Variants in NRXN1 observed in about 807,000 individuals in gnomAD.
NRXN1 encodes the protein neurexin 1, also known as neurexin-1.
A neutral mutation model predicts 150.9 loss-of-function variants in NRXN1; 39 were observed. The observed-to-expected ratio is 0.26, with a 90% CI of 0.20 to 0.34. The LOEUF (loss-of-function observed/expected upper bound fraction) is 0.34, where lower values mean the gene tolerates loss of function less well. Among genes scored for constraint, NRXN1 ranks in the 10% least tolerant of loss-of-function variants. The pLI, the probability that NRXN1 is intolerant of heterozygous loss-of-function variation, is 1.00. For missense variants in NRXN1, 1,815 were observed against 1,949.9 expected, an observed-to-expected ratio of 0.93 and a Z score of 1.30; for synonymous variants, 924 against 757.0, an observed-to-expected ratio of 1.22 and a Z score of -3.62.
intron 5 of NRXN1, among the ~76,000 whole-genome samples, chr2:50,746,748 G>A (rs1329136100): frequency 1.3e-5 from 2 of 152,046 alleles, no homozygotes; most frequent in African/African-American, 2.4e-5. Context: ...AGGCTCTTAA[G>A]GCTCATAGTT....
chr2:50,875,252 A>G (rs1021374109), intron 5 of NRXN1, among the ~76,000 whole-genome samples: 4 of 151,796 alleles, frequency 2.6e-5, no homozygotes, highest in African/African-American at 9.7e-5. Flanking sequence ...GATGTTGACC[A>G]TATAACTTCT....
intron 5 of NRXN1, among the ~76,000 whole-genome samples, chr2:50,817,539 G>C (rs1669109705): frequency 6.6e-6 from 1 of 151,994 alleles, no homozygotes; most frequent in Non-Finnish European, 1.5e-5. Flanking sequence ...ACCAAAGCTA[G>C]ACAAGGACTA....
intron 5 of NRXN1, among the ~76,000 whole-genome samples, chr2:50,680,953 A>G (rs1690289745): frequency 6.6e-6 from 1 of 152,166 alleles, no homozygotes; most frequent in South Asian, 2.1e-4. Context: ...TAATTTTCTA[A>G]CACTACAATA....
intron 5 of NRXN1, among the ~76,000 whole-genome samples, chr2:50,790,135 C>CCACACACACA (rs61580117): frequency 2.7e-5 from 4 of 146,854 alleles, no homozygotes; most frequent in African/African-American, 1.0e-4. Context: ...TTCCCTCCCA[C>CCACACACACA]CACACACACA....
At chr2:50,026,970 C>G (rs1250339140) in intron 21 of NRXN1, among the ~76,000 whole-genome samples, 1 of 143,780 alleles carries the variant, frequency 7.0e-6, no homozygotes, top group East Asian at 2.1e-4. Context: ...AAACCTCCGG[C>G]TCCCAGGTTC....
chr2:51,019,344 A>G (rs1011501605), intron 2 of NRXN1, among the ~76,000 whole-genome samples: 1 of 152,138 alleles, frequency 6.6e-6, no homozygotes, highest in Non-Finnish European at 1.5e-5. Context: ...AAGATAAGGT[A>G]GACAAAGTAC....
At chr2:50,098,826 T>G (rs1476175581) in intron 18 of NRXN1, among the ~76,000 whole-genome samples, 2 of 95,882 alleles carry the variant, frequency 2.1e-5, no homozygotes, top group African/African-American at 4.0e-5. Context: ...TGTTTTTGGT[T>G]TTAGTTTTTT....
At chr2:50,522,227 C>T (rs529923330) in intron 12 of NRXN1, among the ~76,000 whole-genome samples, 1 of 152,288 alleles carries the variant, frequency 6.6e-6, no homozygotes, top group Admixed American at 6.5e-5. Context: ...ATAAAAGAAA[C>T]TCCCTTTTCA....
At chr2:50,459,417 T>C (rs1299928965) in intron 17 of NRXN1, among the ~76,000 whole-genome samples, 1 of 152,116 alleles carries the variant, frequency 6.6e-6, no homozygotes, top group Non-Finnish European at 1.5e-5. Flanking sequence ...ACCCAGGTAT[T>C]AAGCCTAGTA....
chr2:50,690,478 T>C (rs1421764262), intron 5 of NRXN1, among the ~76,000 whole-genome samples: 1 of 152,156 alleles, frequency 6.6e-6, no homozygotes, highest in Non-Finnish European at 1.5e-5. Flanking sequence ...CATGAAGCCA[T>C]CACAGCCTTG....
intron 5 of NRXN1, among the ~76,000 whole-genome samples, chr2:50,743,001 A>T (rs1012538159): frequency 1.3e-5 from 2 of 152,352 alleles, no homozygotes; most frequent in African/African-American, 2.4e-5. Flanking sequence ...GCTGTAGCAC[A>T]TGTGAAAATT....
chr2:50,335,475 G>C (rs2077119703), intron 17 of NRXN1, among the ~76,000 whole-genome samples: 2 of 152,084 alleles, frequency 1.3e-5, no homozygotes, highest in African/African-American at 4.8e-5. Flanking sequence ...GGCAAAAAAG[G>C]TGCAATCATT....
At chr2:50,003,521 T>G (rs191643140) in intron 21 of NRXN1, among the ~76,000 whole-genome samples, 1 of 152,268 alleles carries the variant, frequency 6.6e-6, no homozygotes, top group East Asian at 1.9e-4. Flanking sequence ...AATTTGAAAG[T>G]TGATAAAATC....
intron 17 of NRXN1, among the ~76,000 whole-genome samples, chr2:50,263,232 T>C (rs759689932): frequency 2.0e-5 from 3 of 150,216 alleles, no homozygotes; most frequent in African/African-American, 4.9e-5. Flanking sequence ...TGTCATAAAG[T>C]TGGTGAGCAG....
chr2:50,050,080 C>T (rs1037581884), intron 21 of NRXN1, among the ~76,000 whole-genome samples: 2 of 151,222 alleles, frequency 1.3e-5, no homozygotes, highest in South Asian at 4.2e-4. Context: ...GTAAATGTCC[C>T]TATTATTTCT....
chr2:50,111,017 T>G lies in NRXN1; in HGVS notation c.3547-19523A>C, dbSNP rs117400174. Among the ~76,000 whole-genome samples, 4 of 152,316 alleles carry G rather than the reference T, an allele frequency of 2.6e-5. No individual in the cohort carries two copies. The East Asian group carries it at 7.7e-4, about 29-fold the overall frequency. On this transcript the variant is annotated intron_variant, in intron 18 of 22. Coordinates refer to ENST00000401669, the MANE Select transcript of NRXN1 (RefSeq NM_001330078.2). ...TTTTCATCTTTTTTATTTGATTATT[T>G]AAAACTTTAAGGTGCAAATGGGTTC...
chr2:50,251,291 C>G (rs1217587207), intron 17 of NRXN1, among the ~76,000 whole-genome samples: 1 of 151,982 alleles, frequency 6.6e-6, no homozygotes, highest in Non-Finnish European at 1.5e-5. Context: ...GTTTGGTTTT[C>G]TGTTCCTGCA....
chr2:50,102,736 T>G (rs1408588347), intron 18 of NRXN1, among the ~76,000 whole-genome samples: 2 of 151,988 alleles, frequency 1.3e-5, no homozygotes, highest in African/African-American at 4.8e-5. Flanking sequence ...CATTTAGCAT[T>G]TTCCAGGCAG....
chr2:50,145,089 T>C (rs564603831), intron 18 of NRXN1, among the ~76,000 whole-genome samples: 8 of 151,724 alleles, frequency 5.3e-5, no homozygotes, highest in South Asian at 4.1e-4. Context: ...GAGAAGAAAA[T>C]AGTATAAAAG....
Sources: gnomAD v4.1 joint callset for allele counts (sites outside exome capture counted in the v4.1 genomes callset) on GRCh38, gnomAD v4.1.1 for gene constraint, MANE v1.5 for transcripts, NCBI Gene and HGNC (gene_info 2026-07-23, HGNC 2026-07-21) for gene names.